The following EXOC6 variants were observed in gnomAD, a reference collection of about 807,000 sequenced individuals.
EXOC6 encodes the protein SEC15-like 1.
In EXOC6, 60 loss-of-function variants were observed where a neutral mutation model predicts 112.5. The ratio of observed to expected loss-of-function variants is 0.53; its 90% CI spans 0.43 to 0.66. The LOEUF (loss-of-function observed/expected upper bound fraction) is 0.66. Ranked by LOEUF, EXOC6 falls within the 30% of genes least tolerant of loss-of-function variation. The pLI is 0.00. For synonymous variants in EXOC6, 295 were observed against 308.0 expected, an observed-to-expected ratio of 0.96 and a Z score of 0.44; for missense variants, 855 against 957.1, an observed-to-expected ratio of 0.89 and a Z score of 1.41.
At chr10:92,954,480 A>T (rs2134016112) in intron 15 of EXOC6, 150 bp from the exon 16 acceptor site, 1 of 441,040 alleles carries the variant, frequency 2.3e-6, no homozygotes, top group Admixed American at 4.2e-5. Context: ...GAAGTTTGTG[A>T]TTTAATAAAT....
intron 19 of EXOC6, among the ~76,000 whole-genome samples, chr10:93,012,206 A>T (rs1844282599): frequency 6.6e-6 from 1 of 152,194 alleles, no homozygotes; most frequent in South Asian, 2.1e-4. Context: ...TAATTCTAGT[A>T]ATTGATTAGC....
intron 1 of EXOC6, among the ~76,000 whole-genome samples, chr10:92,884,838 T>C (rs1487672345): frequency 1.3e-5 from 2 of 152,126 alleles, no homozygotes; most frequent in Non-Finnish European, 2.9e-5. Context: ...TTCACAATAA[T>C]ACATCGTGAA....
At chr10:93,035,424 T>C (rs912806518) in intron 20 of EXOC6, among the ~76,000 whole-genome samples, 8 of 152,248 alleles carry the variant, frequency 5.3e-5, no homozygotes, top group South Asian at 2.1e-4. Flanking sequence ...AAAAATTGTT[T>C]ATGCTCACTG....
intron 9 of EXOC6, among the ~76,000 whole-genome samples, chr10:92,933,581 C>T (rs1363684442): frequency 2.0e-5 from 3 of 152,052 alleles, no homozygotes; most frequent in African/African-American, 7.2e-5. Flanking sequence ...ATTTGCAAAA[C>T]ATAACATTTG....
intron 19 of EXOC6, among the ~76,000 whole-genome samples, chr10:93,006,747 T>A (rs1844002495): frequency 6.6e-6 from 1 of 152,228 alleles, no homozygotes; most frequent in Non-Finnish European, 1.5e-5. Flanking sequence ...TCTTACTAGC[T>A]ACTTTAATAT....
chr10:92,871,465 C>T (rs1445048819), intron 1 of EXOC6, among the ~76,000 whole-genome samples: 1 of 148,500 alleles, frequency 6.7e-6, no homozygotes, highest in East Asian at 2.0e-4. Flanking sequence ...TGTTCCTGCA[C>T]TCCTGCCTGG....
At chr10:92,989,549 C>T (rs1470071588) in intron 18 of EXOC6, among the ~76,000 whole-genome samples, 2 of 152,168 alleles carry the variant, frequency 1.3e-5, no homozygotes, top group African/African-American at 2.4e-5. Context: ...AAACAAAAGA[C>T]CCTTTAGCAC....
chr10:93,041,153 A>G (rs1339766854), intron 20 of EXOC6, among the ~76,000 whole-genome samples: 2 of 152,158 alleles, frequency 1.3e-5, no homozygotes, highest in Non-Finnish European at 2.9e-5. Context: ...GTCCTGGACA[A>G]TCACCACGTC....
intron 1 of EXOC6, among the ~76,000 whole-genome samples, chr10:92,863,775 C>T (rs1176497029): frequency 6.6e-6 from 1 of 151,664 alleles, no homozygotes; most frequent in South Asian, 2.1e-4. Context: ...ATTAGCTGGG[C>T]GTGGTGGTGG....
At chr10:92,944,156 G>A (rs1035296247) in intron 13 of EXOC6, among the ~76,000 whole-genome samples, 1 of 151,890 alleles carries the variant, frequency 6.6e-6, no homozygotes, top group South Asian at 2.1e-4. Context: ...GGTCGATTCC[G>A]TATTTTGGCT....
chr10:92,926,462 G>T (rs527388465), intron 8 of EXOC6, among the ~76,000 whole-genome samples: 1 of 151,164 alleles, frequency 6.6e-6, no homozygotes, highest in Non-Finnish European at 1.5e-5. Context: ...CTCTATATTT[G>T]TATATTTTAT....
At chr10:92,946,126 T>TA (rs1234483292) in intron 13 of EXOC6, among the ~76,000 whole-genome samples, 1 of 148,722 alleles carries the variant, frequency 6.7e-6, no homozygotes, top group Non-Finnish European at 1.5e-5. Context: ...CCGTCTCTAC[T>TA]AAAAAAACAA....
intron 17 of EXOC6, among the ~76,000 whole-genome samples, chr10:92,963,640 A>G (rs1039127577): frequency 2.7e-5 from 4 of 150,642 alleles, no homozygotes. Flanking sequence ...GTTGCGTACC[A>G]TCTTACCTGG....
At chr10:93,024,932 G>A (rs950922726) in intron 20 of EXOC6, among the ~76,000 whole-genome samples, 6 of 152,002 alleles carry the variant, frequency 3.9e-5, no homozygotes, top group Non-Finnish European at 7.4e-5. Flanking sequence ...AAGCCCGACC[G>A]CAGGGATCAA....
In EXOC6 at chr10:92,965,040, G is replaced by A. The variant is rs1841988920; in HGVS notation, c.1774-9013G>A. 2.0e-5 allele frequency among the ~76,000 whole-genome samples: 3 copies of A among 152,116 alleles called. No individual in the cohort carries two copies. The South Asian group carries it at 6.2e-4, about 32-fold the overall frequency. On this transcript the variant is annotated intron_variant, in intron 17 of 21. Transcript: ENST00000260762. ...GGGACTGGTAATTGACTTAAACTTA[G>A]CAAGACCCAACCTTGGAGCTAGGTA...
In EXOC6 at chr10:93,000,632, C is replaced by T. The variant is rs1030464692; in HGVS notation, c.2095+3017C>T. ...CAAAGACAAACCACGGAAGACAACT[C>T]GGATTCCTTTAAGATTTTGCCTATG... On this transcript the variant is annotated intron_variant, in intron 19 of 21. Coordinates refer to ENST00000260762, the MANE Select transcript of EXOC6 (RefSeq NM_019053.6). Among the ~76,000 whole-genome samples the T allele has an allele frequency of 2.0e-5, 3 of 152,156 alleles. No individual in the cohort carries two copies. In the South Asian group the frequency reaches 6.2e-4, roughly 32 times the overall value.
chr10:92,910,185 A>G (rs1335896172), intron 6 of EXOC6, among the ~76,000 whole-genome samples: 11 of 152,236 alleles, frequency 7.2e-5, no homozygotes, highest in Non-Finnish European at 1.6e-4. Flanking sequence ...TAGTCATAGC[A>G]TCTTTGTTCA....
At chr10:93,020,098 C>A (rs1405750353) in intron 20 of EXOC6, among the ~76,000 whole-genome samples, 1 of 151,868 alleles carries the variant, frequency 6.6e-6, no homozygotes, top group Non-Finnish European at 1.5e-5. Flanking sequence ...AAAGGAAAAA[C>A]CATAGTATAC....
Position 93,016,922 on chromosome 10 carries a change from C to T in EXOC6, c.2169+2655C>T, listed in dbSNP as rs1393912917. 9.9e-5 allele frequency among the ~76,000 whole-genome samples: 15 copies of T among 151,888 alleles called. 1 individual carries two copies. Among genetic ancestry groups the T allele is most frequent in the Admixed American group, 9.8e-4 (15 of 15,244 alleles). On this transcript the variant is annotated intron_variant, in intron 20 of 21. Transcript: ENST00000260762. The stretch of plus-strand genomic sequence containing the variant: ...CCGCCTCCTGGGTTCAAGCAATTCT[C>T]CTGCCTCAGCCTCCCAAGTAGCTGG...
Sources: gnomAD v4.1 joint callset for allele counts (sites outside exome capture counted in the v4.1 genomes callset) on GRCh38, gnomAD v4.1.1 for gene constraint, MANE v1.5 for transcripts, NCBI Gene and HGNC (gene_info 2026-07-23, HGNC 2026-07-21) for gene names.